Variants in ARFIP1 observed in about 807,000 individuals in gnomAD.
ARFIP1 encodes the protein ARF interacting protein 1.
ARFIP1 carries 24 observed loss-of-function variants against 42.5 expected under a neutral mutation model. The observed-to-expected ratio is 0.57, with a 90% CI of 0.41 to 0.80. The LOEUF (loss-of-function observed/expected upper bound fraction) is 0.80. ARFIP1 is among the 30% of genes least tolerant of loss of function. The pLI is 0.00. For synonymous variants in ARFIP1, 141 were observed against 153.7 expected, an observed-to-expected ratio of 0.92 and a Z score of 0.61; for missense variants, 354 against 434.0, an observed-to-expected ratio of 0.82 and a Z score of 1.64.
rs1323530551 is a variant in ARFIP1, at chr4:152,780,098, G to A, written c.-138G>A. ...CCGCCCCCGAGCAGCCGAGGTGCGTGGGGGAAGGGGAAGAAGGAAAAGGTC... is the reference window on the plus strand; with the variant it reads ...CCGCCCCCGAGCAGCCGAGGTGCGTAGGGGAAGGGGAAGAAGGAAAAGGTC... On this transcript the variant is annotated 5_prime_UTR_variant, in exon 1 of 9. Coordinates refer to ENST00000353617, the MANE Select transcript of ARFIP1 (RefSeq NM_001025595.3). 1.3e-5 allele frequency: 2 copies of A among 152,440 alleles called. No individual in the cohort carries two copies. Among genetic ancestry groups the A allele is most frequent in the Non-Finnish European group, 2.9e-5 (2 of 68,158 alleles). The allele number at this position is 152,440 out of a possible 1,614,324, so 9.4% of individuals were successfully genotyped here.
chr4:152,792,090 T>C (rs923709976), intron 1 of ARFIP1, among the ~76,000 whole-genome samples: 30 of 152,180 alleles, frequency 2.0e-4, no homozygotes, highest in African/African-American at 6.3e-4. Flanking sequence ...AACTGATCTC[T>C]GGAATATCAA....
chr4:152,894,225 AAG>A (rs1011965706), intron 8 of ARFIP1, among the ~76,000 whole-genome samples: 3 of 151,782 alleles, frequency 2.0e-5, no homozygotes, highest in African/African-American at 4.8e-5. Context: ...AAAAAAAAGA[AAG>A]AAAAAAATGC....
chr4:152,860,318 A>G (rs1733785283), intron 2 of ARFIP1, among the ~76,000 whole-genome samples: 1 of 152,192 alleles, frequency 6.6e-6, no homozygotes, highest in Non-Finnish European at 1.5e-5. Context: ...CTGACTTCAG[A>G]GCCCACATTG....
At chr4:152,813,714 T>C (rs1040041629) in intron 1 of ARFIP1, among the ~76,000 whole-genome samples, 12 of 152,142 alleles carry the variant, frequency 7.9e-5, no homozygotes, top group African/African-American at 1.9e-4. Flanking sequence ...CTTTCCCCTG[T>C]TTTTTGATAA....
intron 1 of ARFIP1, among the ~76,000 whole-genome samples, chr4:152,810,802 C>G (rs56011238): frequency 0.027 from 4,077 of 152,034 alleles, 100 homozygotes; most frequent in South Asian, 0.11. Flanking sequence ...GGCTACAGAG[C>G]GAGACTCTGT....
intron 4 of ARFIP1, 44 bp downstream of exon 4, chr4:152,870,892 G>A: frequency 6.8e-7 from 1 of 1,473,772 alleles, no homozygotes; most frequent in Non-Finnish European, 9.5e-7. Context: ...TGCTACTGCT[G>A]AAGCTACACT....
intron 3 of ARFIP1, among the ~76,000 whole-genome samples, chr4:152,869,101 T>TG (rs1461202208): frequency 6.6e-6 from 1 of 152,224 alleles, no homozygotes; most frequent in Non-Finnish European, 1.5e-5. Context: ...TGAATTTTAA[T>TG]GTGAGATCCA....
rs61472685 is a variant in ARFIP1, at chr4:152,834,609, C to T, written c.93+4883C>T. On this transcript the variant is annotated intron_variant, in intron 2 of 8. Coordinates refer to ENST00000353617, the MANE Select transcript of ARFIP1 (RefSeq NM_001025595.3). The stretch of plus-strand genomic sequence containing the variant: ...ACCATCTCCTTTACTCTGTGCTCTG[C>T]ATCCTGGGCACACTGGTGCACGGGA... 9.5e-3 allele frequency among the ~76,000 whole-genome samples: 1,446 copies of T among 152,340 alleles called. 29 individuals carry two copies. Among genetic ancestry groups the T allele is most frequent in the African/African-American group, 0.032 (1,343 of 41,572 alleles).
chr4:152,816,513 A>T (rs923176608), intron 1 of ARFIP1, among the ~76,000 whole-genome samples: 1 of 152,234 alleles, frequency 6.6e-6, no homozygotes. Flanking sequence ...TCTCACAAAA[A>T]TATACCTTTT....
rs1055209958 is a variant in ARFIP1 at position 152,910,691 on chromosome 4, G to A, written c.*472G>A. On this transcript the variant is annotated 3_prime_UTR_variant, in exon 9 of 9. Transcript: ENST00000353617. ...AAGAAAAAAGAAACTATTTTGCAGAGTAAAGTTATATGGTGTTCCTGCAGC... is the reference window on the plus strand; with the variant it reads ...AAGAAAAAAGAAACTATTTTGCAGAATAAAGTTATATGGTGTTCCTGCAGC... 6.5e-6 allele frequency: 1 copy of A among 153,284 alleles called. No homozygotes were observed. The highest frequency in any genetic ancestry group is 2.1e-4 in the South Asian group (1 of 4,874). 9.5% of individuals were successfully genotyped at this position (153,284 alleles called of 1,614,324 possible).
intron 8 of ARFIP1, among the ~76,000 whole-genome samples, chr4:152,894,773 C>A (rs1737169640): frequency 6.6e-6 from 1 of 152,200 alleles, no homozygotes; most frequent in South Asian, 2.1e-4. Flanking sequence ...ATTCATGCAA[C>A]TTTAATTCCA....
chr4:152,848,081 G>A (rs747612036), intron 2 of ARFIP1, among the ~76,000 whole-genome samples: 5 of 151,920 alleles, frequency 3.3e-5, no homozygotes, highest in Admixed American at 6.6e-5. Flanking sequence ...CAGAGTATTC[G>A]TTCAGTAGAA....
chr4:152,809,748 C>G (rs1408296784), intron 1 of ARFIP1: 1 of 152,190 alleles, frequency 6.6e-6, no homozygotes, highest in Non-Finnish European at 1.5e-5. Context: ...GTTCTATGCT[C>G]ATATTTTTAA....
chr4:152,870,051 C>G (rs529825096), intron 3 of ARFIP1, among the ~76,000 whole-genome samples: 112 of 152,172 alleles, frequency 7.4e-4, no homozygotes, highest in Non-Finnish European at 1.2e-3. Flanking sequence ...TATTCTACAT[C>G]AGCACTTCTC....
At chr4:152,833,645 A>AAT (rs1425997119) in intron 2 of ARFIP1, among the ~76,000 whole-genome samples, 2 of 152,222 alleles carry the variant, frequency 1.3e-5, no homozygotes, top group African/African-American at 4.8e-5. Flanking sequence ...GGATAAAGAA[A>AAT]ATATATACAT....
chr4:152,854,484 A>C (rs569717415), intron 2 of ARFIP1, among the ~76,000 whole-genome samples: 2 of 152,020 alleles, frequency 1.3e-5, no homozygotes, highest in African/African-American at 4.8e-5. Flanking sequence ...TTTGGTTGGG[A>C]TCTGTTGCTG....
chr4:152,800,434 G>C (rs762487551), intron 1 of ARFIP1, among the ~76,000 whole-genome samples: 14 of 152,156 alleles, frequency 9.2e-5, no homozygotes, highest in Non-Finnish European at 1.5e-4. Flanking sequence ...CTTTTAAGGA[G>C]CAGAGCTATG....
At chr4:152,781,112 C>T (rs1730460119) in intron 1 of ARFIP1, among the ~76,000 whole-genome samples, 1 of 152,152 alleles carries the variant, frequency 6.6e-6, no homozygotes, top group Non-Finnish European at 1.5e-5. Flanking sequence ...CATACTTTCA[C>T]CTGTAAGGGT....
At chr4:152,829,564 A>G (rs897743177) in intron 1 of ARFIP1, 61 bp from the exon 2 acceptor site, 8 of 1,146,588 alleles carry the variant, frequency 7.0e-6, no homozygotes, top group African/African-American at 1.6e-5. Context: ...TACTATAAAC[A>G]TGAATATAGT....
Sources: allele counts gnomAD v4.1 joint callset (sites outside exome capture counted in the v4.1 genomes callset), GRCh38; gene constraint gnomAD v4.1.1; transcripts MANE v1.5; gene names NCBI Gene and HGNC (gene_info 2026-07-23, HGNC 2026-07-21).